TEX2: variants seen among roughly 807,000 people sequenced by gnomAD.
TEX2 encodes testis expressed 2.
A neutral mutation model predicts 106.9 loss-of-function variants in TEX2; 53 were observed. The observed-to-expected ratio is 0.50, with a 90% CI of 0.40 to 0.62. The LOEUF (loss-of-function observed/expected upper bound fraction) is 0.62. TEX2 is among the 20% of genes least tolerant of loss of function. The probability of loss-of-function intolerance (pLI) is 0.00; values close to 1 mark genes in which losing one functional copy is unlikely to be tolerated. For missense variants in TEX2, 1,207 were observed against 1,379.0 expected, an observed-to-expected ratio of 0.88 and a Z score of 1.98; for synonymous variants, 523 against 534.8, an observed-to-expected ratio of 0.98 and a Z score of 0.30.
chr17:64,183,674 C>A (rs187928745), intron 5 of TEX2, among the ~76,000 whole-genome samples: 1 of 152,152 alleles, frequency 6.6e-6, no homozygotes, highest in South Asian at 2.1e-4. Flanking sequence ...GCAGTCCACC[C>A]GCCTCGGCCT....
rs782013873 is a variant in TEX2, at chr17:64,213,848, C to T, written c.370G>A (p.Ala124Thr). 6.2e-7 allele frequency: 1 copy of T among 1,614,116 alleles called. No individual in the cohort carries two copies. Among genetic ancestry groups the T allele is most frequent in the African/African-American group, 1.3e-5 (1 of 74,942 alleles). ...AATGGCACTGTACTTAATACTTGTG[C>T]TGCTGGAACAGGGGACTCCAACAGC... The part of the protein sequence containing the change: ...VKLLESPVPA[A>T]QVLSTVPLAV... Residue 124 changes from alanine (A) to threonine (T), a missense_variant, in exon 2 of 12, where the codon GCA becomes ACA. Ala to Thr is a moderately conservative substitution (Grantham distance 58). Coordinates refer to ENST00000584379, the MANE Select transcript of TEX2 (RefSeq NM_001288732.2). The surrounding 1 kb of genome is among the most constrained non-coding windows in gnomAD (Gnocchi z 4.4).
chr17:64,242,451 G>A (rs1422395003), intron 1 of TEX2: 2 of 152,154 alleles, frequency 1.3e-5, no homozygotes, highest in African/African-American at 4.8e-5. Flanking sequence ...GATCCTTCCA[G>A]AAAAGGGAGG....
intron 4 of TEX2, among the ~76,000 whole-genome samples, chr17:64,193,238 C>T (rs572967581): frequency 7.9e-5 from 12 of 152,350 alleles, no homozygotes; most frequent in Admixed American, 3.9e-4. Context: ...ATCTCCCTGA[C>T]TCACCTGCCA....
At chr17:64,149,314 C>T in intron 11 of TEX2, 1 of 500,190 alleles carries the variant, frequency 2.0e-6, no homozygotes, top group Non-Finnish European at 3.5e-6. Flanking sequence ...AGCTCGGAGG[C>T]AGAAGTGGCC....
At chr17:64,175,445 T>C (rs1174765145) in intron 6 of TEX2, among the ~76,000 whole-genome samples, 2 of 152,152 alleles carry the variant, frequency 1.3e-5, no homozygotes, top group African/African-American at 4.8e-5. Flanking sequence ...TCCATGATTA[T>C]CAACGGGAGA....
intron 7 of TEX2, among the ~76,000 whole-genome samples, chr17:64,170,386 G>A (rs1323608249): frequency 3.3e-5 from 5 of 152,202 alleles, no homozygotes; most frequent in Non-Finnish European, 7.3e-5. Context: ...GTGAACACAT[G>A]TGAGGAGAGG....
chr17:64,220,962 C>G (rs1555633224), intron 1 of TEX2, among the ~76,000 whole-genome samples: 1 of 152,118 alleles, frequency 6.6e-6, no homozygotes, highest in East Asian at 1.9e-4. Flanking sequence ...AAATGCCCAT[C>G]AATGATAGAC....
intron 2 of TEX2, among the ~76,000 whole-genome samples, chr17:64,206,286 G>A (rs1432419724): frequency 2.6e-5 from 4 of 152,214 alleles, no homozygotes; most frequent in African/African-American, 9.6e-5. Flanking sequence ...CACACACGAG[G>A]CTCTTTGCCT....
intron 5 of TEX2, among the ~76,000 whole-genome samples, chr17:64,186,859 G>A (rs2032095556): frequency 6.6e-6 from 1 of 152,160 alleles, no homozygotes; most frequent in Non-Finnish European, 1.5e-5. Flanking sequence ...GGATATGAAA[G>A]AGAGGTTAAG....
At chr17:64,222,525 A>G (rs1292317127) in intron 1 of TEX2, among the ~76,000 whole-genome samples, 4 of 151,750 alleles carry the variant, frequency 2.6e-5, no homozygotes, top group South Asian at 4.2e-4. Flanking sequence ...TCACAAAAAA[A>G]AAAAAAAAAA....
intron 1 of TEX2, among the ~76,000 whole-genome samples, chr17:64,220,049 G>C (rs1384005892): frequency 6.6e-6 from 1 of 152,210 alleles, no homozygotes; most frequent in African/African-American, 2.4e-5. Flanking sequence ...GCAGACATCA[G>C]AGTAATGAGA....
chr17:64,186,056 T>C (rs998009433), intron 5 of TEX2, among the ~76,000 whole-genome samples: 41 of 152,172 alleles, frequency 2.7e-4, no homozygotes, highest in Non-Finnish European at 5.4e-4. Context: ...CCAGTGAACA[T>C]AGCATACAAT....
At chr17:64,255,460 T>C (rs1172686850) in intron 1 of TEX2, among the ~76,000 whole-genome samples, 2 of 152,224 alleles carry the variant, frequency 1.3e-5, no homozygotes, top group African/African-American at 4.8e-5. Flanking sequence ...CAATGCTTCA[T>C]TGTGGAACTA....
intron 1 of TEX2, among the ~76,000 whole-genome samples, chr17:64,244,260 GAACT>G (rs2033947023): frequency 6.6e-6 from 1 of 152,154 alleles, no homozygotes; most frequent in African/African-American, 2.4e-5. Context: ...GGAAGCCTGA[GAACT>G]AACACACAAT....
At chr17:64,174,724 C>T (rs2031552277) in intron 6 of TEX2, among the ~76,000 whole-genome samples, 2 of 152,184 alleles carry the variant, frequency 1.3e-5, no homozygotes, top group African/African-American at 4.8e-5. Context: ...TGTATGCGAT[C>T]TCAGCAACAT....
intron 8 of TEX2, among the ~76,000 whole-genome samples, chr17:64,160,135 G>T (rs2030816696): frequency 6.6e-6 from 1 of 152,122 alleles, no homozygotes; most frequent in Non-Finnish European, 1.5e-5. Flanking sequence ...TATAGTCAAA[G>T]CAGTAATTTT....
At chr17:64,206,844 G>A (rs546181799) in intron 2 of TEX2, among the ~76,000 whole-genome samples, 2 of 152,174 alleles carry the variant, frequency 1.3e-5, no homozygotes, top group African/African-American at 2.4e-5. Context: ...GATTACAGGC[G>A]TGAGCCATCA....
intron 1 of TEX2, among the ~76,000 whole-genome samples, chr17:64,255,447 C>A (rs1457622614): frequency 2.0e-5 from 3 of 152,092 alleles, no homozygotes; most frequent in Admixed American, 1.3e-4. Flanking sequence ...GAAAATCCAC[C>A]AACAATGCTT....
chr17:64,192,873 G>A (rs1380721018), intron 4 of TEX2, among the ~76,000 whole-genome samples: 1 of 152,196 alleles, frequency 6.6e-6, no homozygotes, highest in Non-Finnish European at 1.5e-5. Context: ...CTTTGTTTCA[G>A]ATCCATGTAA....
Sources: allele counts gnomAD v4.1 joint callset (sites outside exome capture counted in the v4.1 genomes callset), GRCh38; gene constraint gnomAD v4.1.1; non-coding constraint Gnocchi (gnomAD v3.1); transcripts MANE v1.5; gene names NCBI Gene and HGNC (gene_info 2026-07-23, HGNC 2026-07-21).